The following KIF26B variants were observed in gnomAD, a reference collection of about 807,000 sequenced individuals.
KIF26B encodes kinesin family member 26B, also known as kinesin-like protein KIF26B.
In KIF26B, 63 loss-of-function variants were observed where a neutral mutation model predicts 151.2. The ratio of observed to expected loss-of-function variants is 0.42; its 90% confidence interval spans 0.34 to 0.51. The LOEUF is 0.51. Among genes scored for constraint, KIF26B ranks in the 20% least tolerant of loss-of-function variants. The probability of loss-of-function intolerance (pLI) is 0.07; values close to 1 mark genes in which losing one functional copy is unlikely to be tolerated. For missense variants in KIF26B, 2,813 were observed against 2,913.6 expected (o/e 0.97, Z 0.79); for synonymous variants, 1,357 against 1,262.1 (o/e 1.08, Z -1.59).
chr1:245,279,193 T>C (rs1179130592), intron 2 of KIF26B, among the ~76,000 whole-genome samples: 1 of 152,136 alleles, frequency 6.6e-6, no homozygotes, highest in Non-Finnish European at 1.5e-5. Context: ...GAACTCATAA[T>C]TAGCTGAAGT....
At chr1:245,691,249 G>C (rs562532126) in intron 12 of KIF26B, among the ~76,000 whole-genome samples, 1 of 152,244 alleles carries the variant, frequency 6.6e-6, no homozygotes, top group Non-Finnish European at 1.5e-5. Flanking sequence ...TGAAGTGACT[G>C]CTTGGCGAGC....
chr1:245,582,715 A>G (rs1289250262), intron 5 of KIF26B, among the ~76,000 whole-genome samples: 1 of 152,198 alleles, frequency 6.6e-6, no homozygotes, highest in Non-Finnish European at 1.5e-5. Context: ...GCTGGGTTTC[A>G]ATCCCATTTC....
chr1:245,190,634 G>GTTTT (rs149338802), intron 2 of KIF26B, among the ~76,000 whole-genome samples: 12 of 106,866 alleles, frequency 1.1e-4, no homozygotes, highest in East Asian at 8.7e-4. Context: ...TGAATGTTTT[G>GTTTT]TTTTGTTTTT....
At chr1:245,434,042 T>A (rs1658843835) in intron 4 of KIF26B, among the ~76,000 whole-genome samples, 1 of 152,210 alleles carries the variant, frequency 6.6e-6, no homozygotes, top group South Asian at 2.1e-4. Context: ...CTTTCCAGTC[T>A]TTTTGGTGCT....
intron 2 of KIF26B, among the ~76,000 whole-genome samples, chr1:245,186,597 T>G (rs1329488916): frequency 1.3e-5 from 2 of 152,174 alleles, no homozygotes; most frequent in African/African-American, 4.8e-5. Context: ...TCCAAACACC[T>G]GGAGGTTTTA....
chr1:245,636,035 G>A (rs1161336830), intron 9 of KIF26B, among the ~76,000 whole-genome samples: 1 of 152,068 alleles, frequency 6.6e-6, no homozygotes, highest in African/African-American at 2.4e-5. Flanking sequence ...TTGTTCTGTG[G>A]ACCAGAATAC....
intron 4 of KIF26B, among the ~76,000 whole-genome samples, chr1:245,442,703 CT>C (rs1659137156): frequency 2.0e-5 from 3 of 150,278 alleles, no homozygotes; most frequent in African/African-American, 2.5e-5. Context: ...TCACCTAGAG[CT>C]GTCATCTCCC....
intron 2 of KIF26B, among the ~76,000 whole-genome samples, chr1:245,301,782 G>T (rs1301452764): frequency 1.3e-5 from 2 of 152,174 alleles, no homozygotes; most frequent in Non-Finnish European, 2.9e-5. Flanking sequence ...AGCTCAATTG[G>T]ATCTCAAAGA....
rs552168827 is a variant in KIF26B, at chr1:245,366,466, G to A, written c.466-368G>A. ...AGAATCACTTGAATCCAGAGGTGGA[G>A]GTTGCAGTGAGCCGAGATCGTGCCA... On this transcript the variant is annotated intron_variant, in intron 2 of 14. Coordinates refer to ENST00000407071, the MANE Select transcript of KIF26B (RefSeq NM_018012.4). 5.9e-5 allele frequency among the ~76,000 whole-genome samples: 9 copies of A among 151,832 alleles called. No homozygotes were observed. In the East Asian group the frequency reaches 1.8e-3, roughly 30 times the overall value.
chr1:245,427,924 T>C (rs750203619), intron 4 of KIF26B, among the ~76,000 whole-genome samples: 11 of 152,190 alleles, frequency 7.2e-5, no homozygotes, highest in Non-Finnish European at 1.5e-4. Flanking sequence ...TGCCATCTAT[T>C]CACAGAACCA....
intron 2 of KIF26B, among the ~76,000 whole-genome samples, chr1:245,292,748 C>T (rs1671276341): frequency 6.6e-6 from 1 of 152,170 alleles, no homozygotes; most frequent in Non-Finnish European, 1.5e-5. Context: ...AGATCACTGT[C>T]AGTGGAGTCA....
chr1:245,231,915 A>AG (rs1433179936), intron 2 of KIF26B, among the ~76,000 whole-genome samples: 1 of 152,246 alleles, frequency 6.6e-6, no homozygotes, highest in Non-Finnish European at 1.5e-5. Context: ...TCGAAAAAAA[A>AG]GTTTTAATCC....
At chr1:245,431,780 C>T (rs539503411) in intron 4 of KIF26B, among the ~76,000 whole-genome samples, 1 of 152,182 alleles carries the variant, frequency 6.6e-6, no homozygotes, top group African/African-American at 2.4e-5. Context: ...CCTGGCCTGA[C>T]CAACTACTGT....
In KIF26B at chr1:245,379,257, A is replaced by G. The variant is rs1572032688; in HGVS notation, c.999+11890A>G. On this transcript the variant is annotated intron_variant, in intron 3 of 14. Coordinates refer to ENST00000407071, the MANE Select transcript of KIF26B (RefSeq NM_018012.4). ...TTTTAAGTAGATGTGATCTCATTTT[A>G]TCATTAGTGAATTAATAAAATACTG... Among the ~76,000 whole-genome samples the G allele has an allele frequency of 2.0e-5, 3 of 152,344 alleles. No individual in the cohort carries two copies. In the East Asian group the frequency reaches 5.8e-4, roughly 29 times the overall value.
intron 2 of KIF26B, among the ~76,000 whole-genome samples, chr1:245,356,172 C>T (rs1672693565): frequency 6.6e-6 from 1 of 152,112 alleles, no homozygotes; most frequent in Admixed American, 6.6e-5. Flanking sequence ...ACGAGCCCTC[C>T]CAGTACTCCC....
chr1:245,231,813 A>G (rs998362058), intron 2 of KIF26B, among the ~76,000 whole-genome samples: 1 of 152,280 alleles, frequency 6.6e-6, no homozygotes, highest in Non-Finnish European at 1.5e-5. Context: ...GCAAAGCAAG[A>G]CAAGGATGGA....
chr1:245,229,803 C>T (rs915916098), intron 2 of KIF26B, among the ~76,000 whole-genome samples: 1 of 152,124 alleles, frequency 6.6e-6, no homozygotes, highest in Admixed American at 6.6e-5. Context: ...ATTCATTCTC[C>T]TGTTGATGTA....
At chr1:245,226,064 C>G (rs1669867127) in intron 2 of KIF26B, 1 of 152,278 alleles carries the variant, frequency 6.6e-6, no homozygotes. Flanking sequence ...GATCTCGCTT[C>G]ATCTTCACAA....
At chr1:245,347,443 C>G (rs1672477664) in intron 2 of KIF26B, among the ~76,000 whole-genome samples, 2 of 152,010 alleles carry the variant, frequency 1.3e-5, no homozygotes, top group African/African-American at 2.4e-5. Flanking sequence ...TCATCAGCCT[C>G]CAAAGTAGCT....
Sources: allele counts gnomAD v4.1 joint callset (sites outside exome capture counted in the v4.1 genomes callset), GRCh38; gene constraint gnomAD v4.1.1; transcripts MANE v1.5; gene names NCBI Gene and HGNC (gene_info 2026-07-23, HGNC 2026-07-21).